KIAA1217: variants seen among roughly 807,000 people sequenced by gnomAD.
KIAA1217 encodes sickle tail protein homolog.
KIAA1217 carries 88 observed loss-of-function variants against 163.9 expected under a neutral mutation model. The ratio of observed to expected loss-of-function variants is 0.54; its 90% CI spans 0.45 to 0.64. The LOEUF is 0.64. Ranked by LOEUF, KIAA1217 falls within the 30% of genes least tolerant of loss-of-function variation. The pLI is 0.00. For missense variants in KIAA1217, 2,372 were observed against 2,475.0 expected, an observed-to-expected ratio of 0.96 and a Z score of 0.88; for synonymous variants, 903 against 923.1, an observed-to-expected ratio of 0.98 and a Z score of 0.39.
At chr10:23,729,859 A>G (rs1038359216) in intron 1 of KIAA1217, among the ~76,000 whole-genome samples, 3 of 151,900 alleles carry the variant, frequency 2.0e-5, no homozygotes, top group African/African-American at 7.3e-5. Flanking sequence ...TAATTGTCAA[A>G]CCCAAAGCCC....
At chr10:24,004,454 C>G (rs868082849) in intron 1 of KIAA1217, among the ~76,000 whole-genome samples, 3 of 152,132 alleles carry the variant, frequency 2.0e-5, no homozygotes, top group Middle Eastern at 3.2e-3. Flanking sequence ...ACTGGAATTA[C>G]TCTATTTGTG....
rs1456510331 is a variant in KIAA1217 at position 23,997,677 on chromosome 10, G to A, written c.-320-9548G>A. On this transcript the variant is annotated intron_variant, in intron 1 of 18. Coordinates refer to the KIAA1217 transcript ENST00000376462. ...TACATCTAATTCTAGATAGAGAGATGTAACAGACCTGGGCCTTTCACTGTC... is the reference window on the plus strand; with the variant it reads ...TACATCTAATTCTAGATAGAGAGATATAACAGACCTGGGCCTTTCACTGTC... Among the ~76,000 whole-genome samples, 3 of 152,206 alleles carry A rather than the reference G, an allele frequency of 2.0e-5. No individual in the cohort carries two copies. In the South Asian group the frequency reaches 6.2e-4, roughly 32 times the overall value.
At chr10:23,817,998 T>C (rs555495718) in intron 1 of KIAA1217, among the ~76,000 whole-genome samples, 3,014 of 103,696 alleles carry the variant, frequency 0.029, 265 homozygotes, top group African/African-American at 0.12. Flanking sequence ...TATATATATA[T>C]ATATATATAT....
At chr10:23,865,674 G>A (rs192326546) in intron 1 of KIAA1217, among the ~76,000 whole-genome samples, 36 of 151,740 alleles carry the variant, frequency 2.4e-4, no homozygotes, top group African/African-American at 7.7e-4. Flanking sequence ...AATTTTTAAC[G>A]TTTAAATCTT....
rs764649480 is a variant in KIAA1217, at chr10:24,527,988, G to A, written c.2951G>A (p.Gly984Glu). The change falls in exon 14 of 21, where the codon GGG (glycine) becomes GAG (glutamate). Residue 984 changes from glycine (G) to glutamate (E), a missense_variant. By Grantham distance (98) the Gly-to-Glu change is moderately conservative. This residue lies in a region of KIAA1217 where 1,431 missense variants were observed against 1,470.3 expected (regional missense o/e 0.97). Coordinates refer to ENST00000376454, the MANE Select transcript of KIAA1217 (RefSeq NM_019590.5). The stretch of plus-strand genomic sequence containing the variant: ...AGGCAAAATCTGGATCACTATAATG[G>A]GAAAGAGTTTGAGAAGCTCCTAGAA... Reference protein sequence around the residue: ...EKRQNLDHYNGKEFEKLLEEA... With the variant: ...EKRQNLDHYNEKEFEKLLEEA... 1.9e-6 allele frequency: 3 copies of A among 1,614,122 alleles called. No individual in the cohort carries two copies. In the South Asian group the frequency reaches 3.3e-5, roughly 18 times the overall value.
chr10:24,360,091 G>A (rs2049764739), intron 2 of KIAA1217, among the ~76,000 whole-genome samples: 1 of 124,042 alleles, frequency 8.1e-6, no homozygotes, highest in Non-Finnish European at 1.6e-5. Flanking sequence ...CTGTCGCCCA[G>A]GCCGGAGTAC....
intron 1 of KIAA1217, among the ~76,000 whole-genome samples, chr10:23,731,061 T>C (rs1838447709): frequency 6.6e-6 from 1 of 152,194 alleles, no homozygotes; most frequent in African/African-American, 2.4e-5. Context: ...AACATGTCTT[T>C]TATTTCACTT....
intron 2 of KIAA1217, among the ~76,000 whole-genome samples, chr10:24,159,690 G>A (rs1426244483): frequency 2.0e-5 from 3 of 152,250 alleles, no homozygotes; most frequent in Non-Finnish European, 1.5e-5. Flanking sequence ...GGCTGTGGCA[G>A]GAGAATGGTG....
chr10:24,008,200 AGATAGATT>A (rs897806601), intron 2 of KIAA1217, among the ~76,000 whole-genome samples: 8 of 143,624 alleles, frequency 5.6e-5, no homozygotes, highest in Non-Finnish European at 1.1e-4. Flanking sequence ...ATAGATAGAT[AGATAGATT>A]ATTTATCTTG....
intron 3 of KIAA1217, among the ~76,000 whole-genome samples, chr10:24,429,896 A>G (rs2059453937): frequency 6.6e-6 from 1 of 152,148 alleles, no homozygotes; most frequent in Non-Finnish European, 1.5e-5. Flanking sequence ...TCATCCCAGA[A>G]CTTTGGGAGT....
intron 3 of KIAA1217, among the ~76,000 whole-genome samples, chr10:24,419,287 G>A (rs954147145): frequency 1.2e-4 from 19 of 152,108 alleles, no homozygotes; most frequent in East Asian, 7.7e-4. Flanking sequence ...TTGGCCTCCT[G>A]AGTCAGATCT....
intron 5 of KIAA1217, among the ~76,000 whole-genome samples, chr10:24,470,289 G>A (rs544714457): frequency 1.6e-4 from 25 of 152,268 alleles, no homozygotes; most frequent in South Asian, 1.0e-3. Context: ...TGTGTCACGC[G>A]GTTGCCCAGC....
intron 2 of KIAA1217, among the ~76,000 whole-genome samples, chr10:24,369,920 A>G (rs2051334637): frequency 6.6e-6 from 1 of 152,242 alleles, no homozygotes; most frequent in Non-Finnish European, 1.5e-5. Flanking sequence ...TTCAGAAAGA[A>G]AGGAGAGAAA....
chr10:23,868,725 G>T (rs1840312742), intron 1 of KIAA1217, among the ~76,000 whole-genome samples: 1 of 152,120 alleles, frequency 6.6e-6, no homozygotes, highest in Non-Finnish European at 1.5e-5. Flanking sequence ...TGTTAGTAGA[G>T]CCTCCTGGCT....
At chr10:24,010,103 T>C (rs1377856920) in intron 2 of KIAA1217, among the ~76,000 whole-genome samples, 2 of 152,156 alleles carry the variant, frequency 1.3e-5, no homozygotes, top group African/African-American at 2.4e-5. Context: ...AAATGTATTA[T>C]TTTAACAGGA....
rs537677292 is a variant in KIAA1217, at chr10:24,546,268, G to A, written c.5776G>A (p.Ala1926Thr). ...TACTCCCAGCCTCACCAGCTACAAGGCACAGAATGGAAGTTCAAGCAAAGC... is the reference window on the plus strand; with the variant it reads ...TACTCCCAGCCTCACCAGCTACAAGACACAGAATGGAAGTTCAAGCAAAGC... Reference protein sequence around the residue: ...IHTPSLTSYKAQNGSSSKATP... With the variant: ...IHTPSLTSYKTQNGSSSKATP... The change falls in exon 21 of 21, where the codon GCA (alanine) becomes ACA (threonine). Residue 1926 changes from alanine to threonine, a missense_variant. Ala to Thr is a moderately conservative substitution (Grantham distance 58). This residue lies in a region of KIAA1217 where 690 missense variants were observed against 677.5 expected (regional missense o/e 1.02). Transcript: ENST00000376454. 2 of 1,613,928 alleles carry A rather than the reference G, an allele frequency of 1.2e-6. No homozygotes were observed. The highest frequency in any genetic ancestry group is 1.7e-5 in the Admixed American group (1 of 59,988).
intron 2 of KIAA1217, among the ~76,000 whole-genome samples, chr10:24,293,844 A>G (rs2079373011): frequency 6.6e-6 from 1 of 152,168 alleles, no homozygotes; most frequent in South Asian, 2.1e-4. Context: ...CCTTTGCAAG[A>G]TCTGTTTTGC....
chr10:24,243,588 A>G (rs2073376199), intron 2 of KIAA1217, among the ~76,000 whole-genome samples: 1 of 152,056 alleles, frequency 6.6e-6, no homozygotes. Context: ...TGTTACTACA[A>G]AAGACGTGTT....
chr10:24,525,890 T>G (rs2072076772), intron 13 of KIAA1217, among the ~76,000 whole-genome samples: 1 of 152,108 alleles, frequency 6.6e-6, no homozygotes, highest in African/African-American at 2.4e-5. Flanking sequence ...CTCAGGGGGT[T>G]GAGGTGGGTG....
Sources: allele counts gnomAD v4.1 joint callset (sites outside exome capture counted in the v4.1 genomes callset), GRCh38; gene constraint gnomAD v4.1.1; regional missense constraint gnomAD v4.1.1; transcripts MANE v1.5; gene names NCBI Gene and HGNC (gene_info 2026-07-23, HGNC 2026-07-21).